The following LMOD1 variants were observed in gnomAD, a reference collection of about 807,000 sequenced individuals.
The protein encoded by LMOD1 is leiomodin-1.
LMOD1 carries 8 observed loss-of-function variants against 36.5 expected under a neutral mutation model. The observed-to-expected ratio is 0.22, with a 90% CI of 0.13 to 0.40. LMOD1 has a LOEUF of 0.40. LMOD1 is among the 10% of genes least tolerant of loss of function. LMOD1 has a pLI of 1.00. For missense variants in LMOD1, 630 were observed against 751.1 expected (o/e 0.84, Z 1.88); for synonymous variants, 284 against 288.7 (o/e 0.98, Z 0.17).
chr1:201,936,096 C>CAAAAAAA (rs61077548), intron 1 of LMOD1, among the ~76,000 whole-genome samples: 2 of 73,096 alleles, frequency 2.7e-5, no homozygotes, highest in Admixed American at 1.3e-4. Context: ...GACCTTGTCT[C>CAAAAAAA]AAAAAAAAAA....
chr1:201,925,635 C>A (rs1014254681), intron 1 of LMOD1, among the ~76,000 whole-genome samples: 1 of 150,092 alleles, frequency 6.7e-6, no homozygotes, highest in South Asian at 2.1e-4. Context: ...GACATCCACC[C>A]AAGACCTGAA....
In LMOD1 at chr1:201,946,455, G is replaced by T; in HGVS notation, c.-115C>A. On this transcript the variant is annotated 5_prime_UTR_variant, in exon 1 of 3. Transcript: ENST00000367288. ...TGGGCTGAGGAGCAAACCTCCTGCT[G>T]GTCGAGGACTGCAGCTCCTTGGCCC... is the stretch of plus-strand genomic sequence containing the variant. 1 of 1,073,662 alleles carries T rather than the reference G, an allele frequency of 9.3e-7. No homozygotes were observed. Among genetic ancestry groups the T allele is most frequent in the Non-Finnish European group, 1.3e-6 (1 of 742,718 alleles). The allele number at this position is 1,073,662 out of a possible 1,614,324, so 66.5% of individuals were successfully genotyped here.
At chr1:201,938,533 T>C (rs557616072) in intron 1 of LMOD1, among the ~76,000 whole-genome samples, 81 of 152,306 alleles carry the variant, frequency 5.3e-4, no homozygotes, top group African/African-American at 1.9e-3. Context: ...CACCCAGGTC[T>C]AGCTGGCCCC....
chr1:201,901,419 C>T (rs1571573669), intron 1 of LMOD1, among the ~76,000 whole-genome samples: 2 of 148,698 alleles, frequency 1.3e-5, no homozygotes, highest in African/African-American at 5.0e-5. Context: ...GGAGAATCAC[C>T]TGAACCTGGG....
chr1:201,927,116 T>C (rs1274045741), intron 1 of LMOD1, among the ~76,000 whole-genome samples: 29 of 152,180 alleles, frequency 1.9e-4, no homozygotes, highest in Admixed American at 1.7e-3. Context: ...AATTTAGAAA[T>C]ATCATGTCTG....
In LMOD1 at chr1:201,905,739, G is replaced by A. The variant is rs1681400802; in HGVS notation, c.262-4988C>T. 2.0e-5 allele frequency among the ~76,000 whole-genome samples: 3 copies of A among 152,344 alleles called. No homozygotes were observed. The South Asian group carries it at 6.2e-4, about 32-fold the overall frequency. ...GACCCATGTAGCTGCAAGGGAGGAA[G>A]TCTGCAGACAGACCCTGGGGAGAAT... is the stretch of plus-strand genomic sequence containing the variant. On this transcript the variant is annotated intron_variant, in intron 1 of 2. Transcript: ENST00000367288.
intron 1 of LMOD1, among the ~76,000 whole-genome samples, chr1:201,906,443 C>G (rs1440187663): frequency 6.6e-6 from 1 of 152,306 alleles, no homozygotes; most frequent in Admixed American, 6.5e-5. Flanking sequence ...GGCCCACTCC[C>G]TCCAGCCACC....
chr1:201,938,081 T>A (rs1203938491), intron 1 of LMOD1, among the ~76,000 whole-genome samples: 2 of 152,116 alleles, frequency 1.3e-5, no homozygotes, highest in African/African-American at 4.8e-5. Flanking sequence ...TTTATGTGGA[T>A]TATTTTGCTG....
intron 1 of LMOD1, among the ~76,000 whole-genome samples, chr1:201,931,497 C>T (rs1431681063): frequency 1.4e-5 from 2 of 141,326 alleles, no homozygotes; most frequent in East Asian, 4.3e-4. Context: ...GAGATGGTGC[C>T]ACTGCACTCC....
Position 201,946,522 on chromosome 1 carries a change from C to T in LMOD1, c.-182G>A. On this transcript the variant is annotated 5_prime_UTR_variant, in exon 1 of 3. Transcript: ENST00000367288. Reference sequence around the variant, plus strand: ...CTGAAGTGTTCACTGGACGCAGCAGCCTCCCTGAAGCCCAGGGCTAGTGGA... The same window carrying T: ...CTGAAGTGTTCACTGGACGCAGCAGTCTCCCTGAAGCCCAGGGCTAGTGGA... 1 of 653,082 alleles carries T rather than the reference C, an allele frequency of 1.5e-6. No homozygotes were observed. The highest frequency in any genetic ancestry group is 2.6e-6 in the Non-Finnish European group (1 of 387,130). The allele number at this position is 653,082 out of a possible 1,614,324, so 40.5% of individuals were successfully genotyped here.
In LMOD1 at chr1:201,896,477, TGTGTG is replaced by T; in HGVS notation, c.*1890_*1894del. On this transcript the variant is annotated 3_prime_UTR_variant, in exon 3 of 3. Transcript: ENST00000367288. ...GACCTGAGCTCTGACTTTTATTAGC[TGTGTG>T]ATCATGGATATATTAGTTAACCTCT... The T allele has an allele frequency of 2.2e-6, 1 of 456,194 alleles. No homozygotes were observed. Among genetic ancestry groups the T allele is most frequent in the Non-Finnish European group, 4.4e-6 (1 of 226,610 alleles). The allele number at this position is 456,194 out of a possible 1,614,324, so 28.3% of individuals were successfully genotyped here. A position where few individuals can be genotyped will look rare whatever the true frequency, so the allele number is the denominator to read the frequency against.
chr1:201,916,702 C>T (rs989972563), intron 1 of LMOD1, among the ~76,000 whole-genome samples: 2 of 152,096 alleles, frequency 1.3e-5, no homozygotes, highest in East Asian at 3.9e-4. Context: ...GGGGATTCCC[C>T]GTCACTGTGC....
At chr1:201,907,830 G>A (rs1236890784) in intron 1 of LMOD1, among the ~76,000 whole-genome samples, 2 of 151,964 alleles carry the variant, frequency 1.3e-5, no homozygotes, top group South Asian at 2.1e-4. Flanking sequence ...ATCCATTCAC[G>A]GCCCCATTCA....
At chr1:201,924,714 AAAGAAAGAAAG>A (rs1681797729) in intron 1 of LMOD1, among the ~76,000 whole-genome samples, 2 of 91,640 alleles carry the variant, frequency 2.2e-5, no homozygotes, top group African/African-American at 6.6e-5. Flanking sequence ...AGAAAGAAAG[AAAGAAAGAAAG>A]AAAGAAAAGA....
intron 1 of LMOD1, among the ~76,000 whole-genome samples, chr1:201,918,075 A>C (rs1047819588): frequency 6.6e-6 from 1 of 152,186 alleles, no homozygotes; most frequent in African/African-American, 2.4e-5. Context: ...AAGCCCTGCA[A>C]ATTCTGTAGC....
chr1:201,937,015 C>T lies in LMOD1; in HGVS notation c.261+9065G>A, dbSNP rs140273948. Reference sequence around the variant, plus strand: ...GACTACTTTGTTGGAAGTGGTCTCCCATTGATATGTCATATACTCTTCCCT... The same window carrying T: ...GACTACTTTGTTGGAAGTGGTCTCCTATTGATATGTCATATACTCTTCCCT... On this transcript the variant is annotated intron_variant, in intron 1 of 2. Coordinates refer to ENST00000367288, the MANE Select transcript of LMOD1 (RefSeq NM_012134.3). 5.6e-3 allele frequency among the ~76,000 whole-genome samples: 849 copies of T among 152,282 alleles called. 8 individuals carry two copies. Among genetic ancestry groups the T allele is most frequent in the Non-Finnish European group, 7.0e-3 (475 of 68,028 alleles).
chr1:201,933,212 A>G (rs2047256), intron 1 of LMOD1, among the ~76,000 whole-genome samples: 150,466 of 152,206 alleles, frequency 0.99, 74,394 homozygotes, highest in East Asian at 1. Context: ...TCAGGAGTTC[A>G]GGACCAGCCT....
chr1:201,923,358 A>AC (rs1681738018), intron 1 of LMOD1, among the ~76,000 whole-genome samples: 1 of 152,190 alleles, frequency 6.6e-6, no homozygotes, highest in South Asian at 2.1e-4. Flanking sequence ...GAGGCCCAAA[A>AC]AGAAGGCTGG....
Position 201,896,944 on chromosome 1 carries a change from C to A in LMOD1, c.*1428G>T. 2.9e-6 allele frequency: 1 copy of A among 349,926 alleles called. No individual in the cohort carries two copies. Among genetic ancestry groups the A allele is most frequent in the East Asian group, 7.5e-5 (1 of 13,332 alleles). The allele number at this position is 349,926 out of a possible 1,614,324, so 21.7% of individuals were successfully genotyped here. A position where few individuals can be genotyped will look rare whatever the true frequency, so the allele number is the denominator to read the frequency against. On this transcript the variant is annotated 3_prime_UTR_variant, in exon 3 of 3. Coordinates refer to ENST00000367288, the MANE Select transcript of LMOD1 (RefSeq NM_012134.3). ...ACTGCTGTGCCTCCTGCTGTTGAGGCAACCTGGAGGCAGAGAAACCTACAA... is the reference window on the plus strand; with the variant it reads ...ACTGCTGTGCCTCCTGCTGTTGAGGAAACCTGGAGGCAGAGAAACCTACAA...
Sources: allele counts gnomAD v4.1 joint callset (sites outside exome capture counted in the v4.1 genomes callset), GRCh38; gene constraint gnomAD v4.1.1; transcripts MANE v1.5; gene names NCBI Gene and HGNC (gene_info 2026-07-23, HGNC 2026-07-21).